The following ZXDC variants were observed in gnomAD, a reference collection of about 807,000 sequenced individuals.
ZXDC encodes ZXD family zinc finger C, also known as zinc finger protein ZXDC.
A neutral mutation model predicts 63.6 loss-of-function variants in ZXDC; 58 were observed. The ratio of observed to expected loss-of-function variants is 0.91; its 90% CI spans 0.74 to 1.13. The LOEUF is 1.13. Ranked by LOEUF, ZXDC falls within the 50% of genes most tolerant of loss-of-function variation. ZXDC has a pLI of 0.00. For synonymous variants in ZXDC, 561 were observed against 496.1 expected, an observed-to-expected ratio of 1.13 and a Z score of -1.74; for missense variants, 1,133 against 1,148.9, an observed-to-expected ratio of 0.99 and a Z score of 0.20.
At chr3:126,454,406 ATCT>A (rs1363075918) in intron 7 of ZXDC, 6 of 985,246 alleles carry the variant, frequency 6.1e-6, no homozygotes, top group East Asian at 1.1e-4. Context: ...AAGAGGAAAA[ATCT>A]TCTTTGTCCC....
intron 8 of ZXDC, 186 bp downstream of exon 8, chr3:126,441,579 G>C: frequency 7.5e-7 from 1 of 1,335,606 alleles, no homozygotes; most frequent in Admixed American, 3.5e-5. Context: ...GACAGGCTGG[G>C]AAAAAGGGAG....
At chr3:126,454,384 A>G (rs1934231031) in intron 7 of ZXDC, 14 of 985,432 alleles carry the variant, frequency 1.4e-5, no homozygotes, top group Non-Finnish European at 1.7e-5. Flanking sequence ...CTACACATGA[A>G]CAGCAACCAA....
chr3:126,473,041 T>C (rs1251258850), intron 1 of ZXDC, among the ~76,000 whole-genome samples: 1 of 152,182 alleles, frequency 6.6e-6, no homozygotes, highest in Non-Finnish European at 1.5e-5. Context: ...GATACTATCA[T>C]GCCTATGAAC....
chr3:126,450,586 C>A (rs560822787), intron 7 of ZXDC: 1 of 455,154 alleles, frequency 2.2e-6, no homozygotes, highest in Non-Finnish European at 4.4e-6. Context: ...GGGGGTGCAC[C>A]TCCGGACTGA....
In ZXDC at chr3:126,462,153, T is replaced by A. The variant is rs377627665; in HGVS notation, c.1509A>T (p.Gln503His). 5 of 1,612,646 alleles carry A rather than the reference T, an allele frequency of 3.1e-6. No homozygotes were observed. The highest frequency in any genetic ancestry group is 4.2e-6 in the Non-Finnish European group (5 of 1,180,000). Residue 503 changes from glutamine (Q) to histidine (H), a missense_variant, in exon 6 of 10, where the codon CAA becomes CAT. By Grantham distance (24) the Gln-to-His change is conservative (BLOSUM62 0). Transcript: ENST00000389709. ...CAAGATCCATGTTAGTGAGCTCACT[T>A]TGGCCTGGGCTGCTGAGTTCACTGC... ...TPSSELSSPGQSELTNMDLAA... is the reference protein window; with the variant it reads ...TPSSELSSPGHSELTNMDLAA...
At chr3:126,474,783 G>A (rs1184323055) in intron 1 of ZXDC, among the ~76,000 whole-genome samples, 176 bp downstream of exon 1, 1 of 152,256 alleles carries the variant, frequency 6.6e-6, no homozygotes, top group Admixed American at 6.5e-5. Flanking sequence ...AATCCCTGCG[G>A]CAGGGCAGGG....
intron 7 of ZXDC, among the ~76,000 whole-genome samples, chr3:126,444,907 C>T (rs1933823488): frequency 1.3e-5 from 2 of 152,132 alleles, no homozygotes; most frequent in African/African-American, 4.8e-5. Flanking sequence ...TATACCTAAA[C>T]CAGTAACTAA....
intron 8 of ZXDC, 117 bp downstream of exon 8, chr3:126,441,648 G>T: frequency 7.0e-7 from 1 of 1,424,326 alleles, no homozygotes; most frequent in Non-Finnish European, 9.1e-7. Context: ...TGCACGAGGG[G>T]CAGGCAGGCA....
intron 8 of ZXDC, chr3:126,440,320 C>T (rs1933629182): frequency 1.0e-6 from 1 of 987,998 alleles, no homozygotes; most frequent in Non-Finnish European, 1.2e-6. Context: ...GGTGCTGCTG[C>T]TCTGCACCTC....
chr3:126,440,280 T>G, intron 8 of ZXDC: 1 of 989,222 alleles, frequency 1.0e-6, no homozygotes, highest in Non-Finnish European at 1.2e-6. Flanking sequence ...TGTCCGCCCA[T>G]GGCCATTCAC....
chr3:126,469,167 C>A (rs915333564), intron 4 of ZXDC, among the ~76,000 whole-genome samples: 1 of 152,208 alleles, frequency 6.6e-6, no homozygotes, highest in African/African-American at 2.4e-5. Context: ...CGAATCCAGG[C>A]AGTCTGACTC....
At chr3:126,472,335 A>C in intron 1 of ZXDC, 30 bp from the exon 2 acceptor site, 1 of 1,593,436 alleles carries the variant, frequency 6.3e-7, no homozygotes, top group Non-Finnish European at 8.6e-7. Flanking sequence ...ACCCTGCTCA[A>C]AGCGTGGCAA....
Position 126,462,116 on chromosome 3 carries a change from A to G in ZXDC, c.1546T>C (p.Ser516Pro). 1 of 1,613,952 alleles carries G rather than the reference A, an allele frequency of 6.2e-7. No homozygotes were observed. The highest frequency in any genetic ancestry group is 8.5e-7 in the Non-Finnish European group (1 of 1,180,026). Reference sequence around the variant, plus strand: ...CCACTAGCATTGGCAGGTGTGTCAGAGAAGAGTGCAGCAAGATCCATGTTA... The same window carrying G: ...CCACTAGCATTGGCAGGTGTGTCAGGGAAGAGTGCAGCAAGATCCATGTTA... ...LTNMDLAALF[S>P]DTPANASGSA... is the part of the protein sequence containing the mutation. Residue 516 changes from serine (S) to proline (P), a missense_variant, in exon 6 of 10, where the codon TCT becomes CCT. Transcript: ENST00000389709.
At chr3:126,448,303 G>C (rs1319668155) in intron 7 of ZXDC, among the ~76,000 whole-genome samples, 2 of 152,222 alleles carry the variant, frequency 1.3e-5, no homozygotes, top group Admixed American at 6.5e-5. Flanking sequence ...CCACATGGCA[G>C]GTGCTCGGCC....
intron 7 of ZXDC, chr3:126,452,321 T>C (rs1934139658): frequency 1.0e-6 from 1 of 985,342 alleles, no homozygotes; most frequent in Admixed American, 6.1e-5. Flanking sequence ...CTGCATGAAA[T>C]CGCACTACAA....
Position 126,472,022 on chromosome 3 carries a change from T to C in ZXDC, c.1090A>G (p.Ser364Gly). 6.2e-7 allele frequency: 1 copy of C among 1,613,852 alleles called. No individual in the cohort carries two copies. The highest frequency in any genetic ancestry group is 1.1e-5 in the South Asian group (1 of 90,924). ...GERPFICDSD[S>G]CGWTFTSMSK... The stretch of plus-strand genomic sequence containing the variant: ...ATGCTGGTGAAGGTCCAGCCACAGC[T>C]GTCAGAGTCACAAATAAATGGTCTT... Residue 364 changes from serine to glycine, a missense_variant, in exon 3 of 10, where the codon AGC becomes GGC. By Grantham distance (56) the Ser-to-Gly change is moderately conservative (BLOSUM62 0). Transcript: ENST00000389709.
At chr3:126,446,136 C>T (rs762589552) in intron 7 of ZXDC, among the ~76,000 whole-genome samples, 1 of 152,138 alleles carries the variant, frequency 6.6e-6, no homozygotes, top group Non-Finnish European at 1.5e-5. Context: ...GTAACAACAC[C>T]GAACTACATT....
At chr3:126,445,456 G>T (rs762347031) in intron 7 of ZXDC, among the ~76,000 whole-genome samples, 31 of 151,940 alleles carry the variant, frequency 2.0e-4, no homozygotes, top group Non-Finnish European at 2.5e-4. Flanking sequence ...TTATTCTACA[G>T]GATGCTTCCC....
intron 4 of ZXDC, among the ~76,000 whole-genome samples, chr3:126,469,973 A>G (rs912293031): frequency 2.0e-5 from 3 of 152,232 alleles, no homozygotes; most frequent in African/African-American, 7.2e-5. Flanking sequence ...AGCTTGACTG[A>G]GGCCACCACT....
Sources: allele counts gnomAD v4.1 joint callset (sites outside exome capture counted in the v4.1 genomes callset), GRCh38; gene constraint gnomAD v4.1.1; transcripts MANE v1.5; gene names NCBI Gene and HGNC (gene_info 2026-07-23, HGNC 2026-07-21).